Variants in CFAP54 observed in about 807,000 individuals in gnomAD.
CFAP54 encodes cilia- and flagella-associated protein 54.
A neutral mutation model predicts 370.4 loss-of-function variants in CFAP54; 290 were observed. The observed-to-expected ratio is 0.78, with a 90% confidence interval of 0.71 to 0.86. CFAP54 has a LOEUF of 0.86. Ranked by LOEUF, CFAP54 falls within the 40% of genes least tolerant of loss-of-function variation. CFAP54 has a pLI of 0.00. For missense variants in CFAP54, 3,399 were observed against 3,528.7 expected (o/e 0.96, Z 0.93); for synonymous variants, 1,206 against 1,236.5 (o/e 0.98, Z 0.52).
chr12:96,825,294 A>AATATATTATATATATAATATAAT (rs1275201030), intron 65 of CFAP54, among the ~76,000 whole-genome samples: 107 of 129,000 alleles, frequency 8.3e-4, no homozygotes, highest in Non-Finnish European at 1.4e-3. Context: ...TATATAATAT[A>AATATATTATATATATAATATAAT]ATATATTATA....
intron 32 of CFAP54, among the ~76,000 whole-genome samples, chr12:96,637,415 T>C (rs1217962768): frequency 6.6e-6 from 1 of 152,194 alleles, no homozygotes; most frequent in Non-Finnish European, 1.5e-5. Flanking sequence ...CCTACCTTCT[T>C]TCTTTTGGCG....
chr12:96,571,079 T>C (rs546471533), intron 19 of CFAP54, among the ~76,000 whole-genome samples: 1 of 152,322 alleles, frequency 6.6e-6, no homozygotes, highest in South Asian at 2.1e-4. Flanking sequence ...TACTTTATCA[T>C]TCCAGTCCTG....
intron 26 of CFAP54, among the ~76,000 whole-genome samples, chr12:96,620,562 C>G (rs1956475827): frequency 6.6e-6 from 1 of 152,194 alleles, no homozygotes; most frequent in South Asian, 2.1e-4. Flanking sequence ...TTGGGTATGT[C>G]TTTATTATAA....
In CFAP54 at chr12:96,753,798, G is replaced by T; in HGVS notation, c.7740G>T (p.Lys2580Asn). The change falls in exon 56 of 68, where the codon AAG becomes AAT. Residue 2580 changes from lysine to asparagine, a missense_variant. Coordinates refer to ENST00000524981, the MANE Select transcript of CFAP54 (RefSeq NM_001306084.2). ...AGAATAAAAGGAAGGACCCCTCGAAGTGGTTACCTGCTCTTCATCTGTTTG... is the reference window on the plus strand; with the variant it reads ...AGAATAAAAGGAAGGACCCCTCGAATTGGTTACCTGCTCTTCATCTGTTTG... ...YYKNKRKDPS[K>N]WLPALHLFDV... The T allele has an allele frequency of 6.2e-7, 1 of 1,614,032 alleles. No individual in the cohort carries two copies. The highest frequency in any genetic ancestry group is 8.5e-7 in the Non-Finnish European group (1 of 1,179,964).
chr12:96,520,521 T>C (rs537985517), intron 6 of CFAP54, among the ~76,000 whole-genome samples: 3 of 151,920 alleles, frequency 2.0e-5, no homozygotes, highest in African/African-American at 7.3e-5. Flanking sequence ...TCAAAAAAAT[T>C]TATATATATA....
intron 36 of CFAP54, 114 bp downstream of exon 36, chr12:96,651,929 T>C (rs1180334546): frequency 7.4e-6 from 5 of 674,890 alleles, no homozygotes; most frequent in Non-Finnish European, 1.2e-5. Flanking sequence ...TTTGTCTACA[T>C]TTCATTTGCT....
intron 66 of CFAP54, among the ~76,000 whole-genome samples, chr12:96,830,608 C>G (rs1184489442): frequency 6.6e-6 from 1 of 152,176 alleles, no homozygotes; most frequent in African/African-American, 2.4e-5. Flanking sequence ...GTGGCACCAA[C>G]ATTTCTCTCC....
At chr12:96,560,049 G>A (rs532447318) in intron 17 of CFAP54, among the ~76,000 whole-genome samples, 7 of 152,050 alleles carry the variant, frequency 4.6e-5, no homozygotes, top group South Asian at 2.1e-4. Flanking sequence ...ATTTTAACAC[G>A]TGCATACAAT....
chr12:96,621,881 T>TG (rs1956497713), intron 27 of CFAP54, among the ~76,000 whole-genome samples, 160 bp downstream of exon 27: 1 of 61,420 alleles, frequency 1.6e-5, no homozygotes, highest in African/African-American at 5.5e-5. Context: ...GTTTGTTTTT[T>TG]TTTTTTTTTT....
At chr12:96,707,325 A>C (rs1957557776) in intron 47 of CFAP54, among the ~76,000 whole-genome samples, 1 of 152,100 alleles carries the variant, frequency 6.6e-6, no homozygotes, top group South Asian at 2.1e-4. Flanking sequence ...ATGGCATGTG[A>C]CAGCTTAATT....
intron 6 of CFAP54, among the ~76,000 whole-genome samples, chr12:96,519,992 C>T (rs1955285141): frequency 6.6e-6 from 1 of 152,062 alleles, no homozygotes; most frequent in South Asian, 2.1e-4. Flanking sequence ...CTTTTCTCTG[C>T]TAACCACCAT....
At chr12:96,705,842 G>T (rs1957541106) in intron 47 of CFAP54, among the ~76,000 whole-genome samples, 1 of 152,124 alleles carries the variant, frequency 6.6e-6, no homozygotes, top group African/African-American at 2.4e-5. Context: ...GTGTGTAATT[G>T]TCAAGGCTCA....
chr12:96,638,560 A>G (rs1338219882), intron 32 of CFAP54, among the ~76,000 whole-genome samples: 1 of 151,870 alleles, frequency 6.6e-6, no homozygotes, highest in Admixed American at 6.6e-5. Flanking sequence ...TTTTTACTAA[A>G]ATTGTTTTCA....
chr12:96,765,043 A>G (rs747611691), intron 59 of CFAP54, 34 bp from the exon 60 acceptor site: 1 of 1,347,728 alleles, frequency 7.4e-7, no homozygotes, highest in Non-Finnish European at 9.7e-7. Flanking sequence ...TAGAAAGCTT[A>G]TATTTATAAT....
intron 10 of CFAP54, 26 bp downstream of exon 10, chr12:96,533,999 G>C: frequency 2.1e-6 from 3 of 1,462,654 alleles, no homozygotes; most frequent in Non-Finnish European, 2.7e-6. Context: ...TTATCCTCCT[G>C]GTTTTTTTTT....
chr12:96,535,052 G>GTGTGTGT (rs1491302214), intron 11 of CFAP54, among the ~76,000 whole-genome samples: 10 of 129,018 alleles, frequency 7.8e-5, no homozygotes, highest in African/African-American at 2.8e-4. Flanking sequence ...GTGTGTGTGT[G>GTGTGTGT]TTTATTTATT....
intron 9 of CFAP54, among the ~76,000 whole-genome samples, chr12:96,529,892 A>G (rs1244768485): frequency 1.3e-5 from 2 of 152,148 alleles, no homozygotes; most frequent in Admixed American, 6.6e-5. Flanking sequence ...TGTGGTTAAG[A>G]AGTTTCAGCT....
intron 66 of CFAP54, among the ~76,000 whole-genome samples, chr12:96,833,737 A>G (rs1165414480): frequency 1.3e-5 from 2 of 152,010 alleles, no homozygotes; most frequent in Non-Finnish European, 2.9e-5. Context: ...TTTTAGCCAG[A>G]CCTAGCATAG....
In CFAP54 at chr12:96,569,323, C is replaced by T. The variant is rs557221236; in HGVS notation, c.2619+4558C>T. Among the ~76,000 whole-genome samples the T allele has an allele frequency of 2.4e-4, 36 of 152,252 alleles. No homozygotes were observed. The South Asian group carries it at 7.5e-3, about 32-fold the overall frequency. On this transcript the variant is annotated intron_variant, in intron 19 of 67. Transcript: ENST00000524981. ...CTCAAGAGGAAAACTAATGATGCCACCTGGGCCAGTTGACTGCTCCTTCCA... is the reference window on the plus strand; with the variant it reads ...CTCAAGAGGAAAACTAATGATGCCATCTGGGCCAGTTGACTGCTCCTTCCA...
Sources: gnomAD v4.1 joint callset for allele counts (sites outside exome capture counted in the v4.1 genomes callset) on GRCh38, gnomAD v4.1.1 for gene constraint, MANE v1.5 for transcripts, NCBI Gene and HGNC (gene_info 2026-07-23, HGNC 2026-07-21) for gene names.